INO80: variants seen among roughly 807,000 people sequenced by gnomAD.
The protein encoded by INO80 is chromatin-remodeling ATPase INO80.
In INO80, 20 loss-of-function variants were observed where a neutral mutation model predicts 203.4. The observed-to-expected ratio is 0.10, with a 90% CI of 0.07 to 0.14. The LOEUF (loss-of-function observed/expected upper bound fraction) is 0.14. INO80 is among the 10% of genes least tolerant of loss of function. The pLI, the probability that INO80 is intolerant of heterozygous loss-of-function variation, is 1.00. For missense variants in INO80, 1,419 were observed against 1,914.4 expected, an observed-to-expected ratio of 0.74 and a Z score of 4.83; for synonymous variants, 726 against 685.2, an observed-to-expected ratio of 1.06 and a Z score of -0.93.
At chr15:41,060,169 A>C (rs1205594639) in intron 14 of INO80, among the ~76,000 whole-genome samples, 3 of 152,234 alleles carry the variant, frequency 2.0e-5, no homozygotes, top group Non-Finnish European at 4.4e-5. Flanking sequence ...CAGAGGCCCA[A>C]ATCAGAAAAC....
intron 14 of INO80, among the ~76,000 whole-genome samples, chr15:41,065,173 C>T (rs1044046266): frequency 6.6e-6 from 1 of 152,058 alleles, no homozygotes; most frequent in Non-Finnish European, 1.5e-5. Flanking sequence ...CTCGGTGATT[C>T]ACGCCTGTAA....
intron 14 of INO80, among the ~76,000 whole-genome samples, chr15:41,060,649 A>C (rs2045087607): frequency 1.3e-5 from 2 of 152,172 alleles, no homozygotes; most frequent in African/African-American, 4.8e-5. Context: ...CCCTGGCTTT[A>C]AGTTGGAAGT....
chr15:41,073,553 C>CATTGGTGTT, intron 10 of INO80, 58 bp from the exon 11 acceptor site: 2 of 1,267,146 alleles, frequency 1.6e-6, no homozygotes, highest in Non-Finnish European at 2.3e-6. Flanking sequence ...TTCTAAGATA[C>CATTGGTGTT]AATTAACACC....
At chr15:41,051,868 G>A (rs571671337) in intron 19 of INO80, among the ~76,000 whole-genome samples, 2 of 152,286 alleles carry the variant, frequency 1.3e-5, no homozygotes, top group East Asian at 1.9e-4. Context: ...TGAGGCAGGC[G>A]AGTCGCTTGA....
chr15:41,068,373 C>T (rs184785532), intron 14 of INO80, among the ~76,000 whole-genome samples: 10 of 151,092 alleles, frequency 6.6e-5, no homozygotes, highest in African/African-American at 2.4e-4. Context: ...TGACCAACAT[C>T]GTCAGTAGAG....
At chr15:41,046,507 T>A (rs976501500) in intron 23 of INO80, among the ~76,000 whole-genome samples, 5 of 150,624 alleles carry the variant, frequency 3.3e-5, no homozygotes, top group Admixed American at 1.3e-4. Context: ...ATTACAGGCA[T>A]GAGCCACTGC....
intron 30 of INO80, 75 bp from the exon 31 acceptor site, chr15:40,987,268 A>C: frequency 1.1e-6 from 1 of 886,330 alleles, no homozygotes; most frequent in Non-Finnish European, 1.9e-6. Context: ...AAAGATACAC[A>C]TCGTTCTCAA....
chr15:41,109,437 T>G (rs1025814373), intron 1 of INO80, among the ~76,000 whole-genome samples: 30 of 149,390 alleles, frequency 2.0e-4, no homozygotes, highest in African/African-American at 7.2e-4. Context: ...GGCGACAGAG[T>G]AAGGCACTTC....
chr15:41,075,001 T>C (rs2045381725), intron 9 of INO80, among the ~76,000 whole-genome samples: 1 of 152,152 alleles, frequency 6.6e-6, no homozygotes, highest in African/African-American at 2.4e-5. Flanking sequence ...CATCCCAAAG[T>C]GCTGGGATTA....
intron 29 of INO80, among the ~76,000 whole-genome samples, chr15:40,990,360 GTCTC>G (rs1011493846): frequency 7.2e-5 from 11 of 152,082 alleles, no homozygotes; most frequent in Non-Finnish European, 1.6e-4. Flanking sequence ...AACTGTTTCT[GTCTC>G]TCTTTTTCTT....
intron 24 of INO80, among the ~76,000 whole-genome samples, chr15:41,029,940 TTCAGG>T (rs2044434548): frequency 1.3e-5 from 2 of 152,198 alleles, no homozygotes; most frequent in Non-Finnish European, 2.9e-5. Context: ...TAAGTAGTAG[TTCAGG>T]GCTGCCAGCT....
chr15:41,103,379 A>G (rs918339196), intron 1 of INO80, among the ~76,000 whole-genome samples: 6 of 152,114 alleles, frequency 3.9e-5, no homozygotes, highest in African/African-American at 1.4e-4. Flanking sequence ...CAGTATTCCC[A>G]AATCATCGTT....
intron 8 of INO80, among the ~76,000 whole-genome samples, 174 bp downstream of exon 8, chr15:41,080,846 C>G (rs1313001412): frequency 1.3e-5 from 2 of 151,996 alleles, no homozygotes; most frequent in African/African-American, 4.8e-5. Context: ...GAGACTCTGT[C>G]TCAAAAAATA....
chr15:41,074,581 A>T lies in INO80; in HGVS notation c.1132-16T>A. 6.4e-7 allele frequency: 1 copy of T among 1,572,056 alleles called. No homozygotes were observed. Among genetic ancestry groups the T allele is most frequent in the African/African-American group, 1.4e-5 (1 of 73,442 alleles). ...GCCTCTTGGCCTAAAGAGGGAAAAA[A>T]GTGAAAACAGAGCCAAATTATCAAT... is the stretch of plus-strand genomic sequence containing the variant. On this transcript the variant is annotated splice_polypyrimidine_tract_variant and intron_variant, in intron 9 of 35. Transcript: ENST00000648947.
At chr15:40,998,018 T>C (rs78555459) in intron 28 of INO80, among the ~76,000 whole-genome samples, 1 of 1,468 alleles carries the variant, frequency 6.8e-4, no homozygotes, top group African/African-American at 1.1e-3. Context: ...AAAACACTCT[T>C]TTTTTTTTTT....
rs759829889 is a variant in INO80 at position 40,979,001 on chromosome 15, G to GA, written c.*1221dup. ...GTTATAAAAATAGCACATTCAAAGAGAAAAGGCTTGGCATTTTTCTGATTC... is the reference window on the plus strand; with the variant it reads ...GTTATAAAAATAGCACATTCAAAGAGAAAAAGGCTTGGCATTTTTCTGATTC... On this transcript the variant is annotated 3_prime_UTR_variant, in exon 36 of 36. Coordinates refer to ENST00000648947, the MANE Select transcript of INO80 (RefSeq NM_017553.3). The GA allele has an allele frequency of 3.3e-5, 5 of 152,608 alleles. No individual in the cohort carries two copies. Among genetic ancestry groups the GA allele is most frequent in the Non-Finnish European group, 7.4e-5 (5 of 68,026 alleles). The allele number at this position is 152,608 out of a possible 1,614,324, so 9.5% of individuals were successfully genotyped here.
At chr15:40,981,052 T>G (rs1449011583) in intron 35 of INO80, among the ~76,000 whole-genome samples, 1 of 152,228 alleles carries the variant, frequency 6.6e-6, no homozygotes, top group Non-Finnish European at 1.5e-5. Context: ...CCCTTTTTCC[T>G]ACATAAGCCA....
chr15:40,981,129 A>G (rs1369892344), intron 35 of INO80, among the ~76,000 whole-genome samples: 5 of 152,176 alleles, frequency 3.3e-5, no homozygotes, highest in Non-Finnish European at 7.3e-5. Context: ...TTACTTTCCA[A>G]AAAAGAATTC....
intron 27 of INO80, among the ~76,000 whole-genome samples, chr15:41,014,378 A>G (rs1407076740): frequency 6.6e-6 from 1 of 152,220 alleles, no homozygotes; most frequent in African/African-American, 2.4e-5. Context: ...AGGAAAGTGC[A>G]CTTTACCTAA....
Sources: allele counts gnomAD v4.1 joint callset (sites outside exome capture counted in the v4.1 genomes callset), GRCh38; gene constraint gnomAD v4.1.1; transcripts MANE v1.5; gene names NCBI Gene and HGNC (gene_info 2026-07-23, HGNC 2026-07-21).